The following FANCA variants were observed in gnomAD, a reference collection of about 807,000 sequenced individuals.
FANCA encodes the protein Fanconi anemia group A protein.
A neutral mutation model predicts 194.3 loss-of-function variants in FANCA; 236 were observed. That is an observed-to-expected ratio of 1.21 (90% CI 1.09 to 1.35). The LOEUF is 1.35. Ranked by LOEUF, FANCA falls within the 40% of genes most tolerant of loss-of-function variation. FANCA has a pLI of 0.00. For synonymous variants in FANCA, 1,014 were observed against 715.8 expected (o/e 1.42, Z -6.65); for missense variants, 2,628 against 1,813.9 (o/e 1.45, Z -8.15).
At chr16:89,773,932 G>C (rs1298276818) in intron 21 of FANCA, among the ~76,000 whole-genome samples, 3 of 151,998 alleles carry the variant, frequency 2.0e-5, no homozygotes, top group East Asian at 3.9e-4. Flanking sequence ...ACCACATCCA[G>C]CTAATTTTTT....
At chr16:89,765,559 C>G (rs1252992941) in intron 27 of FANCA, among the ~76,000 whole-genome samples, 2 of 152,270 alleles carry the variant, frequency 1.3e-5, no homozygotes, top group African/African-American at 4.8e-5. Flanking sequence ...AGGGGTAGGG[C>G]TGGTTTGGTC....
Position 89,746,773 on chromosome 16 carries a change from G to A in FANCA, c.3408+58C>T, listed in dbSNP as rs1293402861. On this transcript the variant is annotated intron_variant, in intron 34 of 42. Coordinates refer to ENST00000389301, the MANE Select transcript of FANCA (RefSeq NM_000135.4). ...GAAGGAACTCACAGGAAGCTGACAG[G>A]AGGATCCACCCACGGCGTTCTGAGA... 5.0e-6 allele frequency: 8 copies of A among 1,590,488 alleles called. No individual in the cohort carries two copies. The South Asian group carries it at 5.6e-5, about 11-fold the overall frequency.
chr16:89,768,746 C>T (rs1437817929), intron 26 of FANCA, among the ~76,000 whole-genome samples: 2 of 152,154 alleles, frequency 1.3e-5, no homozygotes, highest in Non-Finnish European at 2.9e-5. Context: ...CAAAAAGTAG[C>T]ATCTGAGACC....
intron 6 of FANCA, among the ~76,000 whole-genome samples, chr16:89,807,148 G>C (rs901582849): frequency 6.6e-6 from 1 of 151,464 alleles, no homozygotes; most frequent in Non-Finnish European, 1.5e-5. Context: ...TTTTGGTGCT[G>C]AGATAAGATG....
chr16:89,777,848 C>G (rs1299711516), intron 20 of FANCA, among the ~76,000 whole-genome samples: 1 of 151,616 alleles, frequency 6.6e-6, no homozygotes, highest in Non-Finnish European at 1.5e-5. Context: ...TCATTATGTA[C>G]TGAAACATTT....
intron 20 of FANCA, chr16:89,778,572 G>T (rs1051159647): frequency 4.0e-6 from 2 of 494,920 alleles, no homozygotes; most frequent in East Asian, 7.8e-5. Flanking sequence ...AGGTTGCAGT[G>T]AGCCAAGATC....
chr16:89,767,275 A>G, intron 26 of FANCA, 38 bp from the exon 27 acceptor site: 1 of 1,399,082 alleles, frequency 7.1e-7, no homozygotes, highest in Non-Finnish European at 1.0e-6. Flanking sequence ...TGTAATCCAT[A>G]CAAAATAAGG....
chr16:89,759,138 G>A (rs531247270), intron 29 of FANCA, among the ~76,000 whole-genome samples: 36 of 151,446 alleles, frequency 2.4e-4, no homozygotes, highest in Non-Finnish European at 3.4e-4. Context: ...GGGTAACACG[G>A]TGAAACCTCG....
intron 14 of FANCA, 105 bp from the exon 15 acceptor site, chr16:89,785,069 C>A: frequency 2.5e-6 from 2 of 785,606 alleles, no homozygotes; most frequent in South Asian, 1.4e-5. Context: ...GACAGCCAGG[C>A]GCAGCTGCAC....
chr16:89,748,718 C>T lies in FANCA; in HGVS notation c.3289G>A (p.Ala1097Thr), dbSNP rs2038475998. The stretch of plus-strand genomic sequence containing the variant: ...CATCTGGCAGTGATGGGCTGTTCTG[C>T]CTGGAAGCTGCTGCCGCAGAGGACA... ...SSVLCGSSFQ[A>T]EQPITARCEQ... The change falls in exon 33 of 43, where the codon GCA becomes ACA. Residue 1097 changes from alanine to threonine, a missense_variant. By Grantham distance (58) the Ala-to-Thr change is moderately conservative. Transcript: ENST00000389301. 1 of 1,614,008 alleles carries T rather than the reference C, an allele frequency of 6.2e-7. No homozygotes were observed. The highest frequency in any genetic ancestry group is 1.1e-5 in the South Asian group (1 of 91,080).
rs767223171 is a variant in FANCA, at chr16:89,770,024, C to T, written c.2317G>A (p.Gly773Ser). ...TRLCQLLRHQ[G>S]PSLSAPHVLG... is the part of the protein sequence containing the mutation. ...ACATGTGGGGCACTCAGGCTCGGGC[C>T]CTGCAACGAGAATGAGGGTGGCAGA... is the stretch of plus-strand genomic sequence containing the variant. Residue 773 changes from glycine (G) to serine (S), a missense_variant and splice_region_variant, in exon 26 of 43, where the codon GGC becomes AGC. Gly to Ser is a moderately conservative substitution (Grantham distance 56). Transcript: ENST00000389301. 1 of 1,613,204 alleles carries T rather than the reference C, an allele frequency of 6.2e-7. No homozygotes were observed. The highest frequency in any genetic ancestry group is 8.5e-7 in the Non-Finnish European group (1 of 1,179,854).
At chr16:89,759,399 AG>A (rs901385378) in intron 29 of FANCA, among the ~76,000 whole-genome samples, 1 of 149,608 alleles carries the variant, frequency 6.7e-6, no homozygotes, top group African/African-American at 2.4e-5. Flanking sequence ...CAGGCCCACC[AG>A]AAGGGGATGG....
rs140783116 is a variant in FANCA at position 89,782,195 on chromosome 16, G to C, written c.1626+664C>G. ...TCGAGATCATCCTGGCTAACACGGT[G>C]AAACCTCGTCTCTACTAAAAAAAAT... On this transcript the variant is annotated intron_variant, in intron 17 of 42. Transcript: ENST00000389301. 5.5e-3 allele frequency among the ~76,000 whole-genome samples: 824 copies of C among 150,878 alleles called. 6 individuals carry two copies. The highest frequency in any genetic ancestry group is 0.019 in the African/African-American group (796 of 41,058).
At position 89,738,712 on chromosome 16, in the gene FANCA, TGA is replaced by T. The variant is rs746081933; in HGVS notation, c.4261-6_4261-5del. On this transcript the variant is annotated splice_polypyrimidine_tract_variant and splice_region_variant and intron_variant, in intron 42 of 42. Transcript: ENST00000389301. ...AGTCCCCACGATCAGCCAGCAGCTG[TGA>T]GAGAGGAGCAGGTCCTCAGCCCATG... The T allele has an allele frequency of 2.2e-5, 36 of 1,613,676 alleles. No individual in the cohort carries two copies. Among genetic ancestry groups the T allele is most frequent in the Middle Eastern group, 3.3e-4 (2 of 6,084 alleles).
rs368328886 is a variant in FANCA at position 89,805,260 on chromosome 16, G to A, written c.709+20C>T. On this transcript the variant is annotated intron_variant, in intron 7 of 42. Transcript: ENST00000389301. ...CAAAATGAGTTTTACCCAAGAACCC[G>A]CATCTTGTCATGAACGCACCAGAAA... The A allele has an allele frequency of 4.2e-5, 67 of 1,586,214 alleles. No homozygotes were observed. The highest frequency in any genetic ancestry group is 1.5e-4 in the African/African-American group (11 of 74,362).
intron 12 of FANCA, 152 bp downstream of exon 12, chr16:89,792,319 G>C (rs1430818009): frequency 7.7e-6 from 7 of 907,234 alleles, no homozygotes; most frequent in Admixed American, 1.8e-5. Context: ...CTCCTGACCT[G>C]AGTGGTGGCC....
chr16:89,808,174 C>G (rs890892483), intron 6 of FANCA, 120 bp downstream of exon 6: 13 of 884,570 alleles, frequency 1.5e-5, no homozygotes, highest in Non-Finnish European at 2.3e-5. Flanking sequence ...GCAATCTAGT[C>G]TAGTACAAAT....
intron 5 of FANCA, chr16:89,810,426 A>G: frequency 2.5e-6 from 1 of 394,050 alleles, no homozygotes; most frequent in Non-Finnish European, 4.7e-6. Context: ...ACTACCCTGG[A>G]AAATTCTCCA....
At chr16:89,798,046 AT>A (rs897789341) in intron 10 of FANCA, among the ~76,000 whole-genome samples, 7 of 152,202 alleles carry the variant, frequency 4.6e-5, no homozygotes, top group African/African-American at 1.2e-4. Context: ...ACTAAACTGT[AT>A]CCCCACAAAG....
Sources: gnomAD v4.1 joint callset for allele counts (sites outside exome capture counted in the v4.1 genomes callset) on GRCh38, gnomAD v4.1.1 for gene constraint, MANE v1.5 for transcripts, NCBI Gene and HGNC (gene_info 2026-07-23, HGNC 2026-07-21) for gene names.